FADS6: variants seen among roughly 807,000 people sequenced by gnomAD.
FADS6 encodes fatty acid desaturase domain family, member 6.
A neutral mutation model predicts 31.7 loss-of-function variants in FADS6; 28 were observed. The observed-to-expected ratio is 0.88, with a 90% CI of 0.66 to 1.21. FADS6 has a LOEUF of 1.21. Among genes scored for constraint, FADS6 ranks in the 50% most tolerant of loss-of-function variants. The probability of loss-of-function intolerance (pLI) is 0.00; values close to 1 mark genes in which losing one functional copy is unlikely to be tolerated. For missense variants in FADS6, 494 were observed against 504.2 expected, an observed-to-expected ratio of 0.98 and a Z score of 0.19; for synonymous variants, 191 against 213.1, an observed-to-expected ratio of 0.90 and a Z score of 0.90.
chr17:74,893,401 G>A lies in FADS6; in HGVS notation c.195C>T (p.His65=), dbSNP rs377648317. The change falls in exon 1 of 6, where the codon CAC becomes CAT. Residue 65 remains histidine (H), a synonymous_variant. Coordinates refer to ENST00000612771, the MANE Select transcript of FADS6 (RefSeq NM_178128.6). Reference sequence around the variant, plus strand: ...GCGCGAGGATGGCGCAGTCCACGCCGTGGCGCTCCCACCAGGAGCTCGTCC... The same window carrying A: ...GCGCGAGGATGGCGCAGTCCACGCCATGGCGCTCCCACCAGGAGCTCGTCC... ...VVRTSSWWER[H]GVDCAILALS... is the part of the protein sequence containing the mutation. The A allele has an allele frequency of 1.2e-5, 19 of 1,545,240 alleles. No individual in the cohort carries two copies. In the East Asian group the frequency reaches 4.3e-4, roughly 35 times the overall value.
chr17:74,888,539 G>A (rs546899135), intron 2 of FADS6, among the ~76,000 whole-genome samples: 8 of 152,242 alleles, frequency 5.3e-5, no homozygotes, highest in East Asian at 1.9e-4. Flanking sequence ...CGACTTAGGC[G>A]GGGGTTCCTG....
At chr17:74,887,042 C>A (rs1045163895) in intron 2 of FADS6, among the ~76,000 whole-genome samples, 1 of 149,082 alleles carries the variant, frequency 6.7e-6, no homozygotes, top group South Asian at 2.1e-4. Context: ...AGCATGCACA[C>A]GCACACACAC....
intron 2 of FADS6, among the ~76,000 whole-genome samples, chr17:74,891,708 A>G (rs1219004988): frequency 2.0e-5 from 3 of 152,264 alleles, no homozygotes; most frequent in Middle Eastern, 3.4e-3. Context: ...TAGTGATGAT[A>G]TATGTGTGTG....
chr17:74,882,865 T>A, intron 2 of FADS6, 155 bp from the exon 3 acceptor site: 3 of 1,503,352 alleles, frequency 2.0e-6, no homozygotes, highest in Non-Finnish European at 2.7e-6. Flanking sequence ...GCTTTGACCA[T>A]CAACTCTCAG....
chr17:74,886,756 A>G (rs1258675768), intron 2 of FADS6, among the ~76,000 whole-genome samples: 1 of 152,044 alleles, frequency 6.6e-6, no homozygotes, highest in African/African-American at 2.4e-5. Flanking sequence ...CAGGGTCCCC[A>G]TTGGATTCTG....
chr17:74,893,023 A>C (rs1422152450), intron 1 of FADS6, among the ~76,000 whole-genome samples: 1 of 151,904 alleles, frequency 6.6e-6, no homozygotes, highest in Non-Finnish European at 1.5e-5. Flanking sequence ...TAGGTCCCCA[A>C]AGAACACCGT....
intron 5 of FADS6, chr17:74,878,910 T>A (rs921166603): frequency 1.0e-5 from 2 of 196,052 alleles, no homozygotes; most frequent in Non-Finnish European, 2.1e-5. Context: ...GAAACCTGGG[T>A]ATCTCTGATC....
rs1178222419 is a variant in FADS6 at position 74,878,202 on chromosome 17, C to G, written c.*129G>C. On this transcript the variant is annotated 3_prime_UTR_variant, in exon 6 of 6. Transcript: ENST00000612771. ...CCCAGGCCTGAGCTCCCCTGCCCCC[C>G]TGCCTGGCCGGTGCCTCCACTCTCC... 1.4e-6 allele frequency: 2 copies of G among 1,443,084 alleles called. No individual in the cohort carries two copies. Among genetic ancestry groups the G allele is most frequent in the South Asian group, 1.5e-5 (1 of 67,992 alleles). The allele number at this position is 1,443,084 out of a possible 1,614,324, so 89.4% of individuals were successfully genotyped here. A position where few individuals can be genotyped will look rare whatever the true frequency, so the allele number is the denominator to read the frequency against.
At chr17:74,886,031 A>G (rs2144716988) in intron 2 of FADS6, among the ~76,000 whole-genome samples, 1 of 152,194 alleles carries the variant, frequency 6.6e-6, no homozygotes, top group Non-Finnish European at 1.5e-5. Flanking sequence ...CGAGATCAGG[A>G]GATCGAGACC....
downstream of FADS6, chr17:74,877,269 A>G (rs1362967597): frequency 1.3e-5 from 2 of 150,720 alleles, no homozygotes; most frequent in Non-Finnish European, 2.9e-5. Flanking sequence ...AACTGTTTGA[A>G]CTAGCCAAGG....
In FADS6 at chr17:74,878,481, G is replaced by A. The variant is rs763438981; in HGVS notation, c.961-4C>T. On this transcript the variant is annotated splice_region_variant and splice_polypyrimidine_tract_variant and intron_variant, in intron 5 of 5. Transcript: ENST00000612771. ...ACTGGGACACCACGGGCTTCACCTG[G>A]TGGAAGATGGGCAGGAGAGGGCCTA... The A allele has an allele frequency of 1.9e-6, 3 of 1,613,734 alleles. No homozygotes were observed. Among genetic ancestry groups the A allele is most frequent in the Non-Finnish European group, 2.5e-6 (3 of 1,179,698 alleles).
chr17:74,877,037 AT>A (rs1188533590), downstream of FADS6, among the ~76,000 whole-genome samples: 1 of 151,658 alleles, frequency 6.6e-6, no homozygotes, highest in African/African-American at 2.4e-5. Flanking sequence ...GTTCCCTTAT[AT>A]TCCCACCTCA....
chr17:74,884,444 T>C (rs899937145), intron 2 of FADS6, among the ~76,000 whole-genome samples: 1 of 152,166 alleles, frequency 6.6e-6, no homozygotes, highest in Admixed American at 6.5e-5. Context: ...AATTCATCAA[T>C]GTGTGTTAGG....
In FADS6 at chr17:74,891,705, G is replaced by A. The variant is rs112746180; in HGVS notation, c.411+818C>T. Among the ~76,000 whole-genome samples, 52 of 152,210 alleles carry A rather than the reference G, an allele frequency of 3.4e-4. 1 individual carries two copies. Among genetic ancestry groups the A allele is most frequent in the African/African-American group, 1.2e-3 (51 of 41,534 alleles). Reference sequence around the variant, plus strand: ...TCCACTCAGCTGAGTGGATAGTGATGATATATGTGTGTGTAGACAGTTATA... The same window carrying A: ...TCCACTCAGCTGAGTGGATAGTGATAATATATGTGTGTGTAGACAGTTATA... On this transcript the variant is annotated intron_variant, in intron 2 of 5. Transcript: ENST00000612771.
intron 2 of FADS6, among the ~76,000 whole-genome samples, chr17:74,892,024 G>A (rs1489915486): frequency 6.6e-6 from 1 of 152,200 alleles, no homozygotes; most frequent in Non-Finnish European, 1.5e-5. Flanking sequence ...GAAGGCCAAG[G>A]TCGAACTGGG....
intron 5 of FADS6, chr17:74,879,074 C>T: frequency 5.2e-6 from 1 of 191,364 alleles, no homozygotes. Flanking sequence ...GGGTCTTACT[C>T]TGTCACCAGG....
intron 2 of FADS6, among the ~76,000 whole-genome samples, chr17:74,890,902 G>A (rs1447586895): frequency 1.3e-5 from 2 of 152,088 alleles, no homozygotes; most frequent in East Asian, 3.9e-4. Context: ...TTCACCTGTG[G>A]AACTTGGTAA....
chr17:74,881,453 T>C (rs2038568228), intron 3 of FADS6, among the ~76,000 whole-genome samples, 198 bp from the exon 4 acceptor site: 1 of 152,018 alleles, frequency 6.6e-6, no homozygotes, highest in Admixed American at 6.5e-5. Context: ...AACCCAGCAC[T>C]TTGGGAGGCC....
intron 2 of FADS6, 31 bp from the exon 3 acceptor site, chr17:74,882,741 G>T (rs1272894734): frequency 6.3e-7 from 1 of 1,591,100 alleles, no homozygotes; most frequent in Non-Finnish European, 8.5e-7. Flanking sequence ...TGACACTGGG[G>T]TCCCTGTCAG....
Sources: gnomAD v4.1 joint callset for allele counts (sites outside exome capture counted in the v4.1 genomes callset) on GRCh38, gnomAD v4.1.1 for gene constraint, MANE v1.5 for transcripts, NCBI Gene and HGNC (gene_info 2026-07-23, HGNC 2026-07-21) for gene names.